TTC34: variants seen among roughly 807,000 people sequenced by gnomAD.
TTC34 encodes the protein tetratricopeptide repeat protein 34.
Under a neutral mutation model 40.7 loss-of-function variants are expected in TTC34, and 44 were observed. The ratio of observed to expected loss-of-function variants is 1.08; its 90% CI spans 0.85 to 1.39. The LOEUF (loss-of-function observed/expected upper bound fraction) is 1.39. TTC34 is among the 40% of genes most tolerant of loss of function. The pLI is 0.00. For missense variants in TTC34, 884 were observed against 838.0 expected (o/e 1.05, Z -0.68); for synonymous variants, 422 against 398.6 (o/e 1.06, Z -0.70).
chr1:2,699,302 C>G (rs1411052727), intron 6 of TTC34, among the ~76,000 whole-genome samples: 2 of 148,688 alleles, frequency 1.3e-5, no homozygotes, highest in Non-Finnish European at 3.0e-5. Context: ...CCCAGGCGAG[C>G]ATCTGACCGC....
At chr1:2,752,681 C>T (rs1278341457) in intron 6 of TTC34, among the ~76,000 whole-genome samples, 430 of 63,156 alleles carry the variant, frequency 6.8e-3, no homozygotes, top group African/African-American at 0.016. Flanking sequence ...CAACCTGCAA[C>T]AGCACCCATA....
chr1:2,683,678 A>C (rs1168451722), intron 6 of TTC34, among the ~76,000 whole-genome samples: 1 of 144,208 alleles, frequency 6.9e-6, no homozygotes, highest in Admixed American at 6.8e-5. Context: ...CTGCACCCCC[A>C]GGTGACGATC....
At chr1:2,750,669 T>C in intron 6 of TTC34, among the ~76,000 whole-genome samples, 1 of 151,948 alleles carries the variant, frequency 6.6e-6, no homozygotes, top group Non-Finnish European at 1.5e-5. Flanking sequence ...TCTGACAGCC[T>C]GGAACAGCAC....
At chr1:2,651,938 T>G (rs941048933) in intron 6 of TTC34, among the ~76,000 whole-genome samples, 4 of 152,078 alleles carry the variant, frequency 2.6e-5, no homozygotes, top group African/African-American at 4.8e-5. Flanking sequence ...GGGGAGCATC[T>G]GACAGCCTGA....
chr1:2,783,633 C>T, exon 6 of TTC34: 2 of 1,451,172 alleles, frequency 1.4e-6, no homozygotes, highest in Admixed American at 2.3e-5. Flanking sequence ...GGGCCAGGTG[C>T]ACCAACGCCC....
chr1:2,683,406 C>A, intron 6 of TTC34, among the ~76,000 whole-genome samples: 1 of 137,180 alleles, frequency 7.3e-6, no homozygotes, highest in Non-Finnish European at 1.6e-5. Context: ...AGGTGAGCAT[C>A]CGATAGCCTG....
chr1:2,648,472 C>T (rs1458935669), intron 6 of TTC34, among the ~76,000 whole-genome samples: 1 of 152,184 alleles, frequency 6.6e-6, no homozygotes, highest in Non-Finnish European at 1.5e-5. Flanking sequence ...TCTCTGCGGC[C>T]TCCTGTCTCT....
chr1:2,790,043 C>A (rs985983034), exon 3 of TTC34: 46 of 397,290 alleles, frequency 1.2e-4, no homozygotes, highest in Admixed American at 1.0e-3. Flanking sequence ...AGGCGCCAGG[C>A]GAAGCAGGAC....
exon 2 of TTC34, chr1:2,800,056 T>A (rs1483576277): frequency 5.0e-6 from 2 of 398,492 alleles, no homozygotes; most frequent in Non-Finnish European, 8.8e-6. Flanking sequence ...TGGGGTTCGC[T>A]GCCGGTGGGA....
intron 6 of TTC34, among the ~76,000 whole-genome samples, chr1:2,683,311 C>A (rs375362444): frequency 1.9e-3 from 254 of 133,904 alleles, no homozygotes; most frequent in Middle Eastern, 4.8e-3. Flanking sequence ...GAATCCACAC[C>A]CCCAGGTGAG....
chr1:2,700,050 C>A (rs1293911032), intron 6 of TTC34, among the ~76,000 whole-genome samples: 2 of 124,478 alleles, frequency 1.6e-5, no homozygotes, highest in Non-Finnish European at 3.8e-5. Context: ...GCAGCGCCCA[C>A]ACCCAGAGGT....
At chr1:2,799,465 C>A (rs2100638552) in intron 2 of TTC34, among the ~76,000 whole-genome samples, 1 of 152,226 alleles carries the variant, frequency 6.6e-6, no homozygotes. Flanking sequence ...ATCTCTTGAA[C>A]CCAGTGGGTG....
intron 2 of TTC34, among the ~76,000 whole-genome samples, chr1:2,798,065 T>C (rs1427625688): frequency 3.1e-4 from 44 of 140,720 alleles, no homozygotes; most frequent in African/African-American, 5.1e-4. Context: ...TCCCAGCCTC[T>C]CAGCCTCTTA....
At chr1:2,759,234 G>C (rs1199532512) in intron 6 of TTC34, among the ~76,000 whole-genome samples, 5 of 45,644 alleles carry the variant, frequency 1.1e-4, no homozygotes, top group African/African-American at 3.3e-4. Context: ...ACAGCACCCT[G>C]CACCCCCGGT....
chr1:2,755,766 C>A (rs1641483656), intron 6 of TTC34, among the ~76,000 whole-genome samples: 8 of 130,746 alleles, frequency 6.1e-5, no homozygotes, highest in East Asian at 2.3e-4. Flanking sequence ...ATCTGACAGC[C>A]TGGAACGGCA....
chr1:2,691,269 T>C (rs74211938), intron 6 of TTC34, among the ~76,000 whole-genome samples: 6 of 67,920 alleles, frequency 8.8e-5, no homozygotes, highest in Admixed American at 1.4e-4. Context: ...CACCCCCAGG[T>C]GAGAATCCGA....
At chr1:2,687,635 C>G (rs1454656963) in intron 6 of TTC34, among the ~76,000 whole-genome samples, 6 of 150,704 alleles carry the variant, frequency 4.0e-5, no homozygotes, top group East Asian at 2.0e-4. Context: ...TATCCTGGAA[C>G]AGCACCCACA....
chr1:2,682,782 CGCTGCCCCCCCAGGTGAGCATCTGACAG>C (rs1640136066), intron 6 of TTC34, among the ~76,000 whole-genome samples: 2 of 77,614 alleles, frequency 2.6e-5, no homozygotes, highest in African/African-American at 4.2e-5. Flanking sequence ...TGGAACAGCA[CGCTGCCCCCCCAGGTGAGCATCTGACAG>C]CCTGGAACAG....
At chr1:2,750,175 C>A (rs1641268503) in intron 6 of TTC34, among the ~76,000 whole-genome samples, 97 of 151,926 alleles carry the variant, frequency 6.4e-4, no homozygotes, top group Non-Finnish European at 1.1e-3. Context: ...CCCAGGCGAG[C>A]ATCTGACAGC....
Sources: allele counts gnomAD v4.1 joint callset (sites outside exome capture counted in the v4.1 genomes callset), GRCh38; gene constraint gnomAD v4.1.1; transcripts MANE v1.5; gene names NCBI Gene and HGNC (gene_info 2026-07-23, HGNC 2026-07-21).